Variants in DISP1 observed in about 807,000 individuals in gnomAD.
The protein encoded by DISP1 is dispatched RND transporter family member 1.
A neutral mutation model predicts 37.3 loss-of-function variants in DISP1; 30 were observed. That is an observed-to-expected ratio of 0.80 (90% CI 0.60 to 1.09). The LOEUF (loss-of-function observed/expected upper bound fraction) is 1.09, where lower values mean the gene tolerates loss of function less well. Ranked by LOEUF, DISP1 falls within the 50% of genes least tolerant of loss-of-function variation. The pLI is 0.00. For missense variants in DISP1, 1,598 were observed against 1,879.5 expected (o/e 0.85, Z 2.77); for synonymous variants, 634 against 690.2 (o/e 0.92, Z 1.28).
intron 1 of DISP1, among the ~76,000 whole-genome samples, chr1:222,885,910 A>C (rs1670568423): frequency 6.6e-6 from 1 of 151,740 alleles, no homozygotes; most frequent in Non-Finnish European, 1.5e-5. Context: ...ACGGACTAGT[A>C]TTTTCTCCTA....
chr1:222,988,908 G>A (rs765604722), intron 4 of DISP1, among the ~76,000 whole-genome samples: 12 of 152,058 alleles, frequency 7.9e-5, no homozygotes, highest in South Asian at 2.1e-4. Context: ...CTGCCTCAGC[G>A]TCCCAAAGTG....
chr1:223,002,427 A>T lies in DISP1; in HGVS notation c.1030A>T (p.Thr344Ser). 6.2e-7 allele frequency: 1 copy of T among 1,614,096 alleles called. No homozygotes were observed. Among genetic ancestry groups the T allele is most frequent in the Non-Finnish European group, 8.5e-7 (1 of 1,180,014 alleles). ...GTTTGGTGATCTCTGCCAGAGGACC[A>T]CTGCTGCCTCCTGCTGCCCCAGCTG... ...PQFGDLCQRT[T>S]AASCCPSWTL... The change falls in exon 9 of 9, where the codon ACT becomes TCT. Residue 344 changes from threonine (T) to serine (S), a missense_variant. Physicochemically the swap from Thr to Ser is moderately conservative, Grantham distance 58. Coordinates refer to ENST00000675850, the MANE Select transcript of DISP1 (RefSeq NM_001377229.1).
intron 1 of DISP1, among the ~76,000 whole-genome samples, chr1:222,882,412 T>C (rs1206144601): frequency 6.6e-6 from 1 of 152,210 alleles, no homozygotes; most frequent in Non-Finnish European, 1.5e-5. Flanking sequence ...TCTATTTTAG[T>C]AACCTGGGAA....
At chr1:222,820,212 C>G (rs928277395) in intron 1 of DISP1, among the ~76,000 whole-genome samples, 1 of 150,740 alleles carries the variant, frequency 6.6e-6, no homozygotes, top group Admixed American at 6.6e-5. Context: ...TTGATTGTTA[C>G]GAGAATGGAG....
At chr1:222,926,564 A>T (rs1673095620) in intron 1 of DISP1, among the ~76,000 whole-genome samples, 1 of 152,166 alleles carries the variant, frequency 6.6e-6, no homozygotes, top group African/African-American at 2.4e-5. Flanking sequence ...TCATCAGTTG[A>T]TCAATATATA....
intron 1 of DISP1, among the ~76,000 whole-genome samples, chr1:222,883,601 G>A (rs993842491): frequency 6.6e-6 from 1 of 152,202 alleles, no homozygotes; most frequent in Non-Finnish European, 1.5e-5. Flanking sequence ...TGGCGACAGA[G>A]CGAGACTCTG....
chr1:222,993,930 A>G (rs773350284), intron 7 of DISP1, among the ~76,000 whole-genome samples: 21 of 152,222 alleles, frequency 1.4e-4, no homozygotes, highest in Middle Eastern at 3.2e-3. Context: ...CTTCATGATC[A>G]TAAATAAAAA....
intron 1 of DISP1, among the ~76,000 whole-genome samples, chr1:222,900,864 T>C (rs1671537886): frequency 6.6e-6 from 1 of 152,204 alleles, no homozygotes. Flanking sequence ...TATGCACTAT[T>C]TCTAAGGAGC....
intron 1 of DISP1, among the ~76,000 whole-genome samples, chr1:222,830,828 G>A (rs901697142): frequency 1.3e-5 from 2 of 152,190 alleles, no homozygotes; most frequent in African/African-American, 4.8e-5. Flanking sequence ...CAATTTTTGT[G>A]TATGGTATTT....
At position 222,984,435 on chromosome 1, in the gene DISP1, T is replaced by TATATATATAG. The variant is rs67660273; in HGVS notation, c.539+1327_539+1328insTATATATAGA. 2.2e-3 allele frequency among the ~76,000 whole-genome samples: 234 copies of TATATATATAG among 108,354 alleles called. 6 individuals are homozygous for TATATATATAG. The highest frequency in any genetic ancestry group is 6.9e-3 in the African/African-American group (183 of 26,406). The allele number at this position is 108,354 out of a possible 152,430, so 71.1% of individuals were successfully genotyped here. Reference sequence around the variant, plus strand: ...AAAAAAAAAAAAATATATATATATATAGAGAGAGAGAGAGAGAGAGAGAGC... The same window carrying TATATATATAG: ...AAAAAAAAAAAAATATATATATATATATATATATAGAGAGAGAGAGAGAGAGAGAGAGAGC... On this transcript the variant is annotated intron_variant, in intron 4 of 8. Transcript: ENST00000675850.
intron 8 of DISP1, among the ~76,000 whole-genome samples, chr1:222,996,785 C>T (rs930786384): frequency 6.6e-6 from 1 of 152,152 alleles, no homozygotes; most frequent in Non-Finnish European, 1.5e-5. Context: ...CTTTACCCAC[C>T]CTGCTTTATG....
At chr1:222,921,471 A>G (rs764929035) in intron 1 of DISP1, among the ~76,000 whole-genome samples, 12 of 152,226 alleles carry the variant, frequency 7.9e-5, no homozygotes, top group Non-Finnish European at 1.8e-4. Context: ...AAAATTATAA[A>G]AACTACCCAA....
At chr1:222,866,323 T>TTTGTTGTTG (rs34788109) in intron 1 of DISP1, among the ~76,000 whole-genome samples, 16 of 149,770 alleles carry the variant, frequency 1.1e-4, no homozygotes, top group African/African-American at 2.0e-4. Context: ...CCGGGATAGT[T>TTTGTTGTTG]TTGTTGTTGT....
rs1677956763 is a variant in DISP1 at position 222,983,067 on chromosome 1, T to A, written c.510-13T>A. ...GTTTTTGATCATTTTTCCTTTGCTTTTTTTTTTTTCAGACCATCCAGACCT... is the reference window on the plus strand; with the variant it reads ...GTTTTTGATCATTTTTCCTTTGCTTATTTTTTTTTCAGACCATCCAGACCT... On this transcript the variant is annotated splice_polypyrimidine_tract_variant and intron_variant, in intron 3 of 8. Coordinates refer to ENST00000675850, the MANE Select transcript of DISP1 (RefSeq NM_001377229.1). The A allele has an allele frequency of 6.3e-7, 1 of 1,578,538 alleles. No individual in the cohort carries two copies. The highest frequency in any genetic ancestry group is 1.8e-5 in the Admixed American group (1 of 55,770).
intron 1 of DISP1, among the ~76,000 whole-genome samples, chr1:222,845,229 G>C (rs1042116697): frequency 1.3e-5 from 2 of 151,840 alleles, no homozygotes; most frequent in African/African-American, 4.8e-5. Flanking sequence ...CTTTGCTTTT[G>C]GTAAATGCCA....
At chr1:222,902,912 A>C (rs911262765) in intron 1 of DISP1, among the ~76,000 whole-genome samples, 5 of 151,634 alleles carry the variant, frequency 3.3e-5, no homozygotes, top group Admixed American at 3.3e-4. Context: ...AGGGATCTAG[A>C]ACTAGAAATA....
chr1:222,821,074 T>TATGTAGAG (rs562926858), intron 1 of DISP1, among the ~76,000 whole-genome samples: 251 of 152,360 alleles, frequency 1.6e-3, no homozygotes, highest in African/African-American at 5.9e-3. Flanking sequence ...TCTCTGGCCA[T>TATGTAGAG]ATGTAGAGTA....
rs1671066427 is a variant in DISP1 at position 222,893,603 on chromosome 1, C to T, written c.-158-34827C>T. Among the ~76,000 whole-genome samples the T allele has an allele frequency of 6.6e-6, 1 of 152,230 alleles. No homozygotes were observed. Among genetic ancestry groups the T allele is most frequent in the Non-Finnish European group, 1.5e-5 (1 of 68,042 alleles). On this transcript the variant is annotated intron_variant, in intron 1 of 8. Coordinates refer to ENST00000675850, the MANE Select transcript of DISP1 (RefSeq NM_001377229.1). This position sits in a 1 kb window ranked among gnomAD's most constrained non-coding sequence, Gnocchi z 4.3. ...GCGCCGGCACTGACTCCATGGAAGG[C>T]TGCGGCTTGACCAGATGTACTGCAT...
At chr1:222,906,855 C>A (rs1051436368) in intron 1 of DISP1, among the ~76,000 whole-genome samples, 1 of 152,102 alleles carries the variant, frequency 6.6e-6, no homozygotes, top group Non-Finnish European at 1.5e-5. Flanking sequence ...TTTGTGGATT[C>A]GCCTCTAATT....
Sources: gnomAD v4.1 joint callset for allele counts (sites outside exome capture counted in the v4.1 genomes callset) on GRCh38, gnomAD v4.1.1 for gene constraint, Gnocchi (gnomAD v3.1) non-coding constraint, MANE v1.5 for transcripts, NCBI Gene and HGNC (gene_info 2026-07-23, HGNC 2026-07-21) for gene names.